Variants in CCDC171 observed in about 807,000 individuals in gnomAD.
CCDC171 encodes the protein coiled-coil domain-containing protein 171.
CCDC171 carries 177 observed loss-of-function variants against 168.2 expected under a neutral mutation model. The observed-to-expected ratio is 1.05, with a 90% CI of 0.93 to 1.19. The LOEUF (loss-of-function observed/expected upper bound fraction) is 1.19, where lower values mean the gene tolerates loss of function less well. CCDC171 is among the 50% of genes most tolerant of loss of function. The probability of loss-of-function intolerance (pLI) is 0.00; values close to 1 mark genes in which losing one functional copy is unlikely to be tolerated. For synonymous variants in CCDC171, 687 were observed against 540.8 expected (o/e 1.27, Z -3.75); for missense variants, 1,991 against 1,539.0 (o/e 1.29, Z -4.91).
At chr9:15,624,303 T>G (rs575379315) in intron 7 of CCDC171, among the ~76,000 whole-genome samples, 2 of 152,002 alleles carry the variant, frequency 1.3e-5, no homozygotes, top group Admixed American at 1.3e-4. Flanking sequence ...TATATGACAA[T>G]TTTTTAAAAT....
intron 11 of CCDC171, among the ~76,000 whole-genome samples, chr9:15,699,428 G>C (rs545898024): frequency 5.9e-5 from 9 of 152,154 alleles, no homozygotes; most frequent in Non-Finnish European, 8.8e-5. Flanking sequence ...GACCCGAGCG[G>C]GTTGCCACTG....
intron 16 of CCDC171, among the ~76,000 whole-genome samples, chr9:15,731,854 T>A (rs905333009): frequency 6.6e-6 from 1 of 152,074 alleles, no homozygotes; most frequent in African/African-American, 2.4e-5. Context: ...TCTGCAGCAC[T>A]TGGTATTGTC....
chr9:15,923,905 C>T (rs988333562), intron 25 of CCDC171, among the ~76,000 whole-genome samples: 1 of 151,084 alleles, frequency 6.6e-6, no homozygotes, highest in Admixed American at 6.6e-5. Flanking sequence ...GATTGCAGCC[C>T]AGATCTAGGA....
intron 6 of CCDC171, among the ~76,000 whole-genome samples, chr9:15,603,545 G>A (rs978797418): frequency 6.6e-6 from 1 of 152,084 alleles, no homozygotes; most frequent in African/African-American, 2.4e-5. Flanking sequence ...GAGGATAATG[G>A]CTTCCAGCTC....
At chr9:15,846,591 C>G (rs1002322766) in intron 21 of CCDC171, 111 bp from the exon 22 acceptor site, 1 of 1,101,732 alleles carries the variant, frequency 9.1e-7, no homozygotes. Context: ...GTGTAATGAC[C>G]CAAGTCTACT....
downstream of CCDC171, among the ~76,000 whole-genome samples, chr9:16,065,981 G>C (rs1218608681): frequency 3.3e-5 from 5 of 152,184 alleles, no homozygotes. Context: ...GGTACCACAA[G>C]ATGAGAAAGA....
intron 6 of CCDC171, among the ~76,000 whole-genome samples, chr9:15,595,918 A>G (rs900136211): frequency 2.6e-5 from 4 of 152,178 alleles, no homozygotes; most frequent in Non-Finnish European, 4.4e-5. Flanking sequence ...GCATTTTTTC[A>G]TGTGTCTTTT....
Position 15,691,546 on chromosome 9 carries a change from TTA to T in CCDC171, c.1216-3665_1216-3664del, listed in dbSNP as rs55892512. Among the ~76,000 whole-genome samples the T allele has an allele frequency of 5.6e-4, 60 of 106,396 alleles. 1 individual carries two copies. Among genetic ancestry groups the T allele is most frequent in the African/African-American group, 2.1e-3 (54 of 25,632 alleles). 69.8% of individuals were successfully genotyped at this position (106,396 alleles called of 152,430 possible). On this transcript the variant is annotated intron_variant, in intron 10 of 25. Transcript: ENST00000380701. ...AAAAATACCTGTAAATATATGTTTT[TTA>T]TATATATATATATATATATATATGT...
At chr9:15,696,824 T>G (rs1385550091) in intron 11 of CCDC171, among the ~76,000 whole-genome samples, 1 of 152,232 alleles carries the variant, frequency 6.6e-6, no homozygotes, top group Non-Finnish European at 1.5e-5. Context: ...ATTCTTTTAT[T>G]AACCATCCTT....
At chr9:15,813,413 A>T (rs1448062338) in intron 21 of CCDC171, among the ~76,000 whole-genome samples, 1 of 152,196 alleles carries the variant, frequency 6.6e-6, no homozygotes, top group Admixed American at 6.5e-5. Flanking sequence ...TTATGTGACC[A>T]AAACTCTGGA....
chr9:15,784,396 A>T, intron 20 of CCDC171, 113 bp from the exon 21 acceptor site: 1 of 533,880 alleles, frequency 1.9e-6, no homozygotes, highest in Non-Finnish European at 3.1e-6. Context: ...TATTTTTTTA[A>T]TGTATCAAGT....
In CCDC171 at chr9:15,727,749, CTT is replaced by C. The variant is rs2134289487; in HGVS notation, c.1693-119_1693-118del. 3 of 650,458 alleles carry C rather than the reference CTT, an allele frequency of 4.6e-6. 1 individual carries two copies. The Admixed American group carries it at 1.1e-4, about 23-fold the overall frequency. 40.3% of individuals were successfully genotyped at this position (650,458 alleles called of 1,614,324 possible). A position where few individuals can be genotyped will look rare whatever the true frequency, so the allele number is the denominator to read the frequency against. On this transcript the variant is annotated intron_variant, in intron 14 of 25. Transcript: ENST00000380701. ...AAAAAGTCATTAAAATATTCTGAGA[CTT>C]GAGTATTGTAATTCCTTTTCAGGTT...
chr9:15,792,052 C>T (rs902418835), intron 21 of CCDC171, among the ~76,000 whole-genome samples: 12 of 152,034 alleles, frequency 7.9e-5, no homozygotes, highest in Non-Finnish European at 1.2e-4. Flanking sequence ...TGGAACCCAT[C>T]GCAAAGAAGC....
At chr9:15,949,742 C>T (rs1294235398) in intron 25 of CCDC171, among the ~76,000 whole-genome samples, 1 of 152,090 alleles carries the variant, frequency 6.6e-6, no homozygotes. Context: ...ACAATCATGT[C>T]GTCTGCAAAC....
Position 15,623,471 on chromosome 9 carries a change from G to GCGCGCGCA in CCDC171, c.822+63_822+64insGCACGCGC. 5.9e-6 allele frequency: 3 copies of GCGCGCGCA among 505,242 alleles called. No individual in the cohort carries two copies. In the South Asian group the frequency reaches 6.6e-5, roughly 11 times the overall value. The allele number at this position is 505,242 out of a possible 1,614,324, so 31.3% of individuals were successfully genotyped here. ...CGTACAAACTTTCACATATGCGCGC[G>GCGCGCGCA]CGCGCACACACACACACACACACAC... On this transcript the variant is annotated intron_variant, in intron 7 of 25. Coordinates refer to ENST00000380701, the MANE Select transcript of CCDC171 (RefSeq NM_173550.4).
At chr9:15,954,527 A>G (rs767495618) in intron 25 of CCDC171, among the ~76,000 whole-genome samples, 44 of 151,744 alleles carry the variant, frequency 2.9e-4, no homozygotes, top group Non-Finnish European at 5.3e-4. Context: ...CATTCTTTTC[A>G]TTCTAGATCT....
At chr9:15,631,646 G>A (rs201898381) in intron 7 of CCDC171, among the ~76,000 whole-genome samples, 1 of 152,296 alleles carries the variant, frequency 6.6e-6, no homozygotes, top group African/African-American at 2.4e-5. Flanking sequence ...TAGAAAAAGA[G>A]GGAATCCTCC....
chr9:15,989,419 A>T (rs1385079525), intron 3 of CCDC171, among the ~76,000 whole-genome samples: 1 of 152,192 alleles, frequency 6.6e-6, no homozygotes, highest in East Asian at 1.9e-4. Context: ...CACCAAAACC[A>T]CATCTGTACG....
At chr9:16,041,430 A>G (rs1296068436), upstream of CCDC171, among the ~76,000 whole-genome samples, 1 of 152,214 alleles carries the variant, frequency 6.6e-6, no homozygotes, top group Non-Finnish European at 1.5e-5. Flanking sequence ...GGTGGGAAAG[A>G]TAGACTGAGG....
Sources: gnomAD v4.1 joint callset for allele counts (sites outside exome capture counted in the v4.1 genomes callset) on GRCh38, gnomAD v4.1.1 for gene constraint, MANE v1.5 for transcripts, NCBI Gene and HGNC (gene_info 2026-07-23, HGNC 2026-07-21) for gene names.